Variants in FMN2 observed in about 807,000 individuals in gnomAD.
FMN2 encodes formin 2.
In FMN2, 51 loss-of-function variants were observed where a neutral mutation model predicts 142.3. The observed-to-expected ratio is 0.36, with a 90% CI of 0.29 to 0.45. The LOEUF is 0.45. FMN2 is among the 20% of genes least tolerant of loss of function. The pLI is 1.00. For synonymous variants in FMN2, 882 were observed against 869.8 expected (o/e 1.01, Z -0.25); for missense variants, 1,936 against 2,122.8 (o/e 0.91, Z 1.73).
intron 7 of FMN2, among the ~76,000 whole-genome samples, chr1:240,272,029 C>T (rs547362136): frequency 6.6e-6 from 1 of 152,238 alleles, no homozygotes; most frequent in East Asian, 1.9e-4. Flanking sequence ...AAGCCATGAG[C>T]TTTGCATATG....
At chr1:240,285,497 C>G (rs1669556177) in intron 7 of FMN2, among the ~76,000 whole-genome samples, 1 of 151,824 alleles carries the variant, frequency 6.6e-6, no homozygotes, top group Admixed American at 6.6e-5. Flanking sequence ...CTGGGCGAGA[C>G]CACCAAGGCG....
intron 2 of FMN2, among the ~76,000 whole-genome samples, chr1:240,173,494 G>A (rs78392338): frequency 1.3e-5 from 2 of 152,230 alleles, no homozygotes; most frequent in East Asian, 3.9e-4. Flanking sequence ...AGGTGAAATG[G>A]GACTTCAACT....
intron 2 of FMN2, among the ~76,000 whole-genome samples, chr1:240,137,620 A>G (rs1016410496): frequency 6.6e-6 from 1 of 152,214 alleles, no homozygotes; most frequent in Non-Finnish European, 1.5e-5. Flanking sequence ...TATGAAAAAT[A>G]TAGGGCCTTT....
chr1:240,189,614 CAA>C (rs34439005), intron 4 of FMN2, among the ~76,000 whole-genome samples: 1 of 152,176 alleles, frequency 6.6e-6, no homozygotes, highest in Non-Finnish European at 1.5e-5. Flanking sequence ...GGGTGCTTTT[CAA>C]AAATGCGGCT....
intron 2 of FMN2, among the ~76,000 whole-genome samples, chr1:240,169,714 A>G (rs1664625398): frequency 6.6e-6 from 1 of 152,048 alleles, no homozygotes; most frequent in African/African-American, 2.4e-5. Flanking sequence ...GGCTCAAGTA[A>G]TACTCCTGCC....
At chr1:240,180,474 T>C (rs1665102624) in intron 3 of FMN2, among the ~76,000 whole-genome samples, 1 of 152,038 alleles carries the variant, frequency 6.6e-6, no homozygotes, top group Non-Finnish European at 1.5e-5. Flanking sequence ...ATATAATTAT[T>C]AATAGTAATG....
At chr1:240,362,898 C>G (rs146766110) in intron 14 of FMN2, among the ~76,000 whole-genome samples, 1,732 of 152,278 alleles carry the variant, frequency 0.011, 18 homozygotes, top group South Asian at 0.027. Context: ...ATACTTCTAC[C>G]CGCCTCCCCG....
At chr1:240,471,235 C>A (rs529464519) in intron 16 of FMN2, among the ~76,000 whole-genome samples, 2 of 152,240 alleles carry the variant, frequency 1.3e-5, no homozygotes, top group South Asian at 4.1e-4. Context: ...ATGATTGGTT[C>A]CCATGCTAGA....
chr1:240,107,157 C>T (rs1030026066), intron 1 of FMN2, among the ~76,000 whole-genome samples: 2 of 151,924 alleles, frequency 1.3e-5, no homozygotes, highest in African/African-American at 4.8e-5. Flanking sequence ...TAAGGGAAGC[C>T]ATCCCTTACA....
At chr1:240,234,185 A>G (rs1189942952) in intron 6 of FMN2, among the ~76,000 whole-genome samples, 1 of 152,196 alleles carries the variant, frequency 6.6e-6, no homozygotes, top group Non-Finnish European at 1.5e-5. Context: ...ACAAAGCGGA[A>G]AAGAAAAAGA....
At chr1:240,148,319 G>C (rs1013363704) in intron 2 of FMN2, among the ~76,000 whole-genome samples, 1 of 148,962 alleles carries the variant, frequency 6.7e-6, no homozygotes, top group Non-Finnish European at 1.5e-5. Context: ...GAGACAGACA[G>C]AAACAGAGAG....
At chr1:240,283,294 C>A (rs1489433283) in intron 7 of FMN2, among the ~76,000 whole-genome samples, 2 of 152,154 alleles carry the variant, frequency 1.3e-5, no homozygotes, top group African/African-American at 4.8e-5. Context: ...GGCTTCTTCC[C>A]CTAGTAATGT....
At chr1:240,448,278 C>T (rs10802870) in intron 16 of FMN2, among the ~76,000 whole-genome samples, 130,779 of 152,180 alleles carry the variant, frequency 0.86, 56,519 homozygotes, top group Admixed American at 0.93. Flanking sequence ...AGTGATGAAA[C>T]AGGCTGGTGC....
intron 7 of FMN2, among the ~76,000 whole-genome samples, chr1:240,281,484 G>A (rs1669394347): frequency 6.6e-6 from 1 of 152,068 alleles, no homozygotes; most frequent in Admixed American, 6.6e-5. Flanking sequence ...TATCCTCAGG[G>A]CGGACAAGAG....
At chr1:240,362,036 G>T (rs1672503040) in intron 14 of FMN2, among the ~76,000 whole-genome samples, 1 of 152,184 alleles carries the variant, frequency 6.6e-6, no homozygotes, top group Admixed American at 6.5e-5. Flanking sequence ...CTGAACAACA[G>T]CTAGGCTTGT....
rs1162544300 is a variant in FMN2 at position 240,230,913 on chromosome 1, T to A, written c.4065+19678T>A. Among the ~76,000 whole-genome samples the A allele has an allele frequency of 3.8e-5, 5 of 132,056 alleles. 2 individuals are homozygous for A. Among genetic ancestry groups the A allele is most frequent in the Non-Finnish European group, 7.9e-5 (5 of 62,978 alleles). 86.6% of individuals were successfully genotyped at this position (132,056 alleles called of 152,430 possible). A position where few individuals can be genotyped will look rare whatever the true frequency, so the allele number is the denominator to read the frequency against. ...CACTTGCAGCTGAGTGCTTTTTAAA[T>A]GATCAGCTTTTCTTCAATGGCCTAG... is the stretch of plus-strand genomic sequence containing the variant. On this transcript the variant is annotated intron_variant, in intron 6 of 17. Coordinates refer to ENST00000319653, the MANE Select transcript of FMN2 (RefSeq NM_020066.5).
intron 6 of FMN2, among the ~76,000 whole-genome samples, chr1:240,217,716 T>C (rs994053595): frequency 6.6e-6 from 1 of 151,988 alleles, no homozygotes; most frequent in African/African-American, 2.4e-5. Context: ...ACCCAATCAA[T>C]TCAAGGAATG....
chr1:240,102,846 T>C (rs1383743608), intron 1 of FMN2, among the ~76,000 whole-genome samples: 1 of 151,702 alleles, frequency 6.6e-6, no homozygotes, highest in East Asian at 1.9e-4. Flanking sequence ...GTGATATCAG[T>C]AAAAAGGTGA....
Position 240,257,584 on chromosome 1 carries a change from C to G in FMN2, c.4066-361C>G, listed in dbSNP as rs186353005. Among the ~76,000 whole-genome samples the G allele has an allele frequency of 4.5e-3, 688 of 152,274 alleles. 5 individuals are homozygous for G. Among genetic ancestry groups the G allele is most frequent in the Non-Finnish European group, 6.9e-3 (466 of 68,012 alleles). On this transcript the variant is annotated intron_variant, in intron 6 of 17. Transcript: ENST00000319653. ...CTCCACATTGAAAGAAAAAAGAACACTTCAAATCTCAGGCTGCAAATGATC... is the reference window on the plus strand; with the variant it reads ...CTCCACATTGAAAGAAAAAAGAACAGTTCAAATCTCAGGCTGCAAATGATC...
Sources: allele counts gnomAD v4.1 joint callset (sites outside exome capture counted in the v4.1 genomes callset), GRCh38; gene constraint gnomAD v4.1.1; transcripts MANE v1.5; gene names NCBI Gene and HGNC (gene_info 2026-07-23, HGNC 2026-07-21).